The following KIF25 variants were observed in gnomAD, a reference collection of about 807,000 sequenced individuals.
KIF25 encodes the protein kinesin-like protein KIF25.
KIF25 carries 19 observed loss-of-function variants against 32.9 expected under a neutral mutation model. The ratio of observed to expected loss-of-function variants is 0.58; its 90% CI spans 0.40 to 0.85. KIF25 has a LOEUF of 0.85. KIF25 is among the 40% of genes least tolerant of loss of function. KIF25 has a pLI of 0.00. For missense variants in KIF25, 485 were observed against 507.0 expected (o/e 0.96, Z 0.42); for synonymous variants, 225 against 213.7 (o/e 1.05, Z -0.46).
chr6:168,044,399 G>A (rs1195330856), intron 12 of KIF25, among the ~76,000 whole-genome samples: 1 of 128,718 alleles, frequency 7.8e-6, no homozygotes, highest in African/African-American at 3.0e-5. Context: ...GTGACCGGCT[G>A]CTGACCCTCC....
chr6:168,042,744 G>A (rs1224302332), intron 12 of KIF25, 28 bp downstream of exon 12: 4 of 1,595,582 alleles, frequency 2.5e-6, no homozygotes, highest in Non-Finnish European at 3.4e-6. Flanking sequence ...AATGCCCCAG[G>A]ATGGGGGACC....
intron 4 of KIF25, among the ~76,000 whole-genome samples, chr6:168,013,859 C>G (rs945504223): frequency 3.3e-5 from 5 of 152,202 alleles, no homozygotes; most frequent in African/African-American, 1.2e-4. Flanking sequence ...GCACTGCACA[C>G]TCTGCCAGAT....
rs1319814165 is a variant in KIF25 at position 167,997,922 on chromosome 6, G to A, written c.-1547G>A. Reference sequence around the variant, plus strand: ...GGCCATGCCGAGAGGTTCTCCAGCTGTTAGATGTGTCAAAGAATAATTCTC... The same window carrying A: ...GGCCATGCCGAGAGGTTCTCCAGCTATTAGATGTGTCAAAGAATAATTCTC... On this transcript the variant is annotated 5_prime_UTR_variant, in exon 1 of 13. Transcript: ENST00000643607. Among the ~76,000 whole-genome samples, 2 of 152,182 alleles carry A rather than the reference G, an allele frequency of 1.3e-5. No homozygotes were observed. The highest frequency in any genetic ancestry group is 2.4e-5 in the African/African-American group (1 of 41,440).
chr6:168,004,653 C>T (rs1266295711), intron 4 of KIF25, among the ~76,000 whole-genome samples: 4 of 152,152 alleles, frequency 2.6e-5, no homozygotes, highest in Non-Finnish European at 5.9e-5. Context: ...GGATGCTGGT[C>T]AGGGGTTGAT....
At position 168,041,957 on chromosome 6, in the gene KIF25, G is replaced by C; in HGVS notation, c.647-12G>C. ...ACTGTTTTCCTCCTCGTCGCTCCTT[G>C]GTCCCTTGCAGCAGACCAAGCCTGC... On this transcript the variant is annotated splice_polypyrimidine_tract_variant and intron_variant, in intron 10 of 12. Transcript: ENST00000643607. 6.4e-7 allele frequency: 1 copy of C among 1,550,862 alleles called. No individual in the cohort carries two copies. The highest frequency in any genetic ancestry group is 8.7e-7 in the Non-Finnish European group (1 of 1,146,746).
intron 8 of KIF25, 46 bp downstream of exon 8, chr6:168,034,077 G>A (rs781254737): frequency 1.9e-6 from 3 of 1,605,306 alleles, no homozygotes; most frequent in Admixed American, 1.7e-5. Flanking sequence ...TGGCAGGGAA[G>A]CCAGGCGGTC....
At chr6:168,044,016 AG>A (rs1562394194) in intron 12 of KIF25, among the ~76,000 whole-genome samples, 3 of 152,164 alleles carry the variant, frequency 2.0e-5, no homozygotes, top group African/African-American at 4.8e-5. Flanking sequence ...GAACAGCCCC[AG>A]GGGGCTGAGC....
At chr6:168,041,233 G>A (rs543795775) in intron 10 of KIF25, among the ~76,000 whole-genome samples, 4 of 152,336 alleles carry the variant, frequency 2.6e-5, no homozygotes, top group Admixed American at 6.5e-5. Flanking sequence ...GAAACATTTG[G>A]CCTCCAAGGT....
At chr6:168,023,207 C>G (rs2114888568) in intron 5 of KIF25, among the ~76,000 whole-genome samples, 1 of 151,938 alleles carries the variant, frequency 6.6e-6, no homozygotes, top group African/African-American at 2.4e-5. Flanking sequence ...AGTACCAACT[C>G]AAGCCTTCTA....
At chr6:168,029,983 G>A (rs1798918698) in intron 6 of KIF25, among the ~76,000 whole-genome samples, 1 of 152,178 alleles carries the variant, frequency 6.6e-6, no homozygotes, top group African/African-American at 2.4e-5. Flanking sequence ...CTTGGTTCCA[G>A]CTAAGTCAAA....
At chr6:168,018,712 C>A (rs1260160682) in intron 5 of KIF25, among the ~76,000 whole-genome samples, 1 of 152,180 alleles carries the variant, frequency 6.6e-6, no homozygotes, top group African/African-American at 2.4e-5. Context: ...CTTTGGAAAG[C>A]CCTGCTCATC....
At chr6:168,028,288 G>A (rs1798892900) in intron 5 of KIF25, among the ~76,000 whole-genome samples, 2 of 152,096 alleles carry the variant, frequency 1.3e-5, no homozygotes, top group Admixed American at 6.5e-5. Context: ...GGGCTCAAAT[G>A]ATCTGTCCAC....
At chr6:168,009,633 G>A (rs1024292207) in intron 4 of KIF25, among the ~76,000 whole-genome samples, 1 of 152,026 alleles carries the variant, frequency 6.6e-6, no homozygotes. Flanking sequence ...TTTTGCAATA[G>A]TTTCAGAAGA....
At chr6:168,015,079 G>T (rs73040836) in intron 4 of KIF25, among the ~76,000 whole-genome samples, 2,891 of 152,276 alleles carry the variant, frequency 0.019, 28 homozygotes, top group Non-Finnish European at 0.029. Context: ...GAGACTGTAT[G>T]GTCCTTAATA....
In KIF25 at chr6:168,009,776, A is replaced by C. The variant is rs2516814; in HGVS notation, c.-163+6073A>C. ...TTGTTATTGGTCTGTTCAGATTTTT[A>C]ATTTCTTTTTTGTTCAATCTTGGTA... On this transcript the variant is annotated intron_variant, in intron 4 of 12. Coordinates refer to ENST00000643607, the MANE Select transcript of KIF25 (RefSeq NM_030615.4). 7.9e-5 allele frequency among the ~76,000 whole-genome samples: 12 copies of C among 151,822 alleles called. No homozygotes were observed. In the South Asian group the frequency reaches 2.5e-3, roughly 31 times the overall value.
At chr6:168,023,584 T>C (rs1798817347) in intron 5 of KIF25, among the ~76,000 whole-genome samples, 1 of 152,122 alleles carries the variant, frequency 6.6e-6, no homozygotes, top group Admixed American at 6.5e-5. Flanking sequence ...GTATTTCTAA[T>C]AGAGACCGGG....
intron 5 of KIF25, among the ~76,000 whole-genome samples, chr6:168,018,911 G>C (rs1798751788): frequency 1.3e-5 from 2 of 152,266 alleles, no homozygotes; most frequent in African/African-American, 4.8e-5. Context: ...ACCAGCACAG[G>C]AGCGGTAAGA....
intron 2 of KIF25, among the ~76,000 whole-genome samples, chr6:168,002,134 T>C (rs1419568491): frequency 1.1e-3 from 40 of 36,706 alleles, no homozygotes; most frequent in Admixed American, 0.011. Context: ...CTCGGGCAGG[T>C]GAGAAGACAC....
chr6:168,028,834 A>G (rs1798900930), intron 5 of KIF25, among the ~76,000 whole-genome samples: 1 of 152,112 alleles, frequency 6.6e-6, no homozygotes, highest in Non-Finnish European at 1.5e-5. Flanking sequence ...ATTTCCAGGC[A>G]TATTTTTGTT....
Sources: gnomAD v4.1 joint callset for allele counts (sites outside exome capture counted in the v4.1 genomes callset) on GRCh38, gnomAD v4.1.1 for gene constraint, MANE v1.5 for transcripts, NCBI Gene and HGNC (gene_info 2026-07-23, HGNC 2026-07-21) for gene names.